The following UBE2F variants were observed in gnomAD, a reference collection of about 807,000 sequenced individuals.
UBE2F encodes the protein ubiquitin conjugating enzyme E2 F (putative).
UBE2F carries 5 observed loss-of-function variants against 29.6 expected under a neutral mutation model. That is an observed-to-expected ratio of 0.17 (90% CI 0.09 to 0.36). The LOEUF (loss-of-function observed/expected upper bound fraction) is 0.36, where lower values mean the gene tolerates loss of function less well. Ranked by LOEUF, UBE2F falls within the 10% of genes least tolerant of loss-of-function variation. UBE2F has a pLI of 1.00. For synonymous variants in UBE2F, 66 were observed against 81.8 expected, an observed-to-expected ratio of 0.81 and a Z score of 1.04; for missense variants, 141 against 228.5, an observed-to-expected ratio of 0.62 and a Z score of 2.47.
At chr2:238,034,662 G>C (rs1203914034) in intron 8 of UBE2F, among the ~76,000 whole-genome samples, 1 of 152,012 alleles carries the variant, frequency 6.6e-6, no homozygotes, top group Non-Finnish European at 1.5e-5. Context: ...CTTTTTCTAG[G>C]ACTTGGAATC....
intron 7 of UBE2F, among the ~76,000 whole-genome samples, chr2:238,031,018 TCA>T (rs1342487010): frequency 6.6e-6 from 1 of 152,186 alleles, no homozygotes; most frequent in East Asian, 1.9e-4. Context: ...GAGAAGACTG[TCA>T]GGTGTTGGGT....
intron 4 of UBE2F, among the ~76,000 whole-genome samples, chr2:238,007,481 G>A (rs2063932252): frequency 6.6e-6 from 1 of 151,536 alleles, no homozygotes; most frequent in South Asian, 2.1e-4. Flanking sequence ...TCTACTTCTT[G>A]TTTGCATATA....
chr2:238,025,291 T>G, intron 5 of UBE2F, 51 bp from the exon 6 acceptor site: 18 of 1,510,954 alleles, frequency 1.2e-5, no homozygotes, highest in Non-Finnish European at 1.7e-5. Context: ...CCTGGAGATG[T>G]GATTTGCAGA....
chr2:238,013,560 G>A (rs574865118), intron 4 of UBE2F, among the ~76,000 whole-genome samples: 78 of 152,154 alleles, frequency 5.1e-4, no homozygotes, highest in Non-Finnish European at 9.6e-4. Flanking sequence ...ATGACTCCTT[G>A]GCCTCAAGGG....
rs2063983058 is a variant in UBE2F at position 238,009,927 on chromosome 2, C to G, written c.215-6639C>G. 2.6e-5 allele frequency among the ~76,000 whole-genome samples: 4 copies of G among 152,192 alleles called. 1 individual carries two copies. In the South Asian group the frequency reaches 8.3e-4, roughly 31 times the overall value. On this transcript the variant is annotated intron_variant, in intron 4 of 9. Coordinates refer to ENST00000272930, the MANE Select transcript of UBE2F (RefSeq NM_080678.3). ...AATACCACAGATATGCCCACCACCA[C>G]AGATACTCCCATCATCACAGTTTTT...
chr2:238,030,413 A>G (rs529790060), intron 6 of UBE2F, 143 bp from the exon 7 acceptor site: 11 of 621,436 alleles, frequency 1.8e-5, no homozygotes, highest in Middle Eastern at 4.1e-4. Flanking sequence ...CCTCAGCAAG[A>G]GAAAACTGAG....
chr2:237,982,616 T>C lies in UBE2F; in HGVS notation c.119-5347T>C, dbSNP rs976138571. On this transcript the variant is annotated intron_variant, in intron 2 of 9. Transcript: ENST00000272930. This position sits in a 1 kb window ranked among gnomAD's most constrained non-coding sequence, Gnocchi z 4.1. Reference sequence around the variant, plus strand: ...GCTGGATTCCAGTGGCCAGCATCAATCTCTCAAAAGAAGGGCCCTCAAGAA... The same window carrying C: ...GCTGGATTCCAGTGGCCAGCATCAACCTCTCAAAAGAAGGGCCCTCAAGAA... 2.0e-5 allele frequency among the ~76,000 whole-genome samples: 3 copies of C among 152,158 alleles called. No individual in the cohort carries two copies. Among genetic ancestry groups the C allele is most frequent in the African/African-American group, 7.2e-5 (3 of 41,432 alleles).
intron 5 of UBE2F, among the ~76,000 whole-genome samples, chr2:238,018,759 A>G (rs2064222623): frequency 6.6e-6 from 1 of 152,192 alleles, no homozygotes; most frequent in Non-Finnish European, 1.5e-5. Flanking sequence ...GCTAAAGTTA[A>G]AAACATTAGC....
chr2:237,971,235 T>C (rs556492813), intron 1 of UBE2F, among the ~76,000 whole-genome samples: 1 of 152,378 alleles, frequency 6.6e-6, no homozygotes, highest in Admixed American at 6.5e-5. Flanking sequence ...GATCATTTTC[T>C]GTTGAAACGA....
chr2:238,020,682 A>T (rs1471756745), intron 5 of UBE2F, among the ~76,000 whole-genome samples: 1 of 152,140 alleles, frequency 6.6e-6, no homozygotes, highest in African/African-American at 2.4e-5. Flanking sequence ...CAGCAGCCAA[A>T]ATTCAAATTT....
At chr2:237,991,609 C>CTTTCTTTCTTTTTTTTTTT (rs57180067) in intron 3 of UBE2F, among the ~76,000 whole-genome samples, 7 of 53,050 alleles carry the variant, frequency 1.3e-4, no homozygotes, top group Admixed American at 2.6e-4. Flanking sequence ...TTCTTTCTTT[C>CTTTCTTTCTTTTTTTTTTT]TTTTTTTTTT....
At chr2:237,987,328 A>C (rs762632860) in intron 2 of UBE2F, among the ~76,000 whole-genome samples, 1 of 151,890 alleles carries the variant, frequency 6.6e-6, no homozygotes, top group Non-Finnish European at 1.5e-5. Flanking sequence ...GGATAATTTT[A>C]TTTCTTTCTT....
At chr2:238,030,479 A>T in intron 6 of UBE2F, 77 bp from the exon 7 acceptor site, 1 of 995,558 alleles carries the variant, frequency 1.0e-6, no homozygotes. Flanking sequence ...CATGGCACAC[A>T]CCGAGAGGAC....
chr2:238,017,181 A>G (rs756311736), intron 5 of UBE2F, among the ~76,000 whole-genome samples: 2 of 152,378 alleles, frequency 1.3e-5, no homozygotes, highest in East Asian at 1.9e-4. Flanking sequence ...ATAAAGCGAT[A>G]AAAATGGTAA....
At chr2:238,009,494 C>T (rs1192472426) in intron 4 of UBE2F, among the ~76,000 whole-genome samples, 1 of 152,166 alleles carries the variant, frequency 6.6e-6, no homozygotes, top group African/African-American at 2.4e-5. Context: ...TAAGCGCATC[C>T]AGTGAATTTT....
intron 2 of UBE2F, among the ~76,000 whole-genome samples, chr2:237,981,550 T>TTCC (rs1452813620): frequency 6.6e-6 from 1 of 150,748 alleles, no homozygotes; most frequent in Non-Finnish European, 1.5e-5. Flanking sequence ...CCTGCCCTCC[T>TTCC]TCCGTGAGTG....
At position 238,040,033 on chromosome 2, in the gene UBE2F, A is replaced by G. The variant is rs569707185; in HGVS notation, c.508-1255A>G. 1.3e-5 allele frequency among the ~76,000 whole-genome samples: 2 copies of G among 152,286 alleles called. No individual in the cohort carries two copies. Among genetic ancestry groups the G allele is most frequent in the South Asian group, 2.1e-4 (1 of 4,828 alleles). ...GTAAAGGCCCATGTGGGAGGCTCCAAACGCCATCCTGTAGACAAATAGGGC... is the reference window on the plus strand; with the variant it reads ...GTAAAGGCCCATGTGGGAGGCTCCAGACGCCATCCTGTAGACAAATAGGGC... On this transcript the variant is annotated intron_variant, in intron 9 of 9. Coordinates refer to ENST00000272930, the MANE Select transcript of UBE2F (RefSeq NM_080678.3). The surrounding 1 kb of genome is among the most constrained non-coding windows in gnomAD (Gnocchi z 4.4).
intron 2 of UBE2F, among the ~76,000 whole-genome samples, chr2:237,983,960 GCATCACTTTGCAGGAACC>G (rs1464638019): frequency 6.6e-6 from 1 of 151,954 alleles, no homozygotes; most frequent in Non-Finnish European, 1.5e-5. Flanking sequence ...ATGACAGGTG[GCATCACTTTGCAGGAACC>G]CCTCACCTTT....
chr2:238,041,405 G>C lies in UBE2F; in HGVS notation c.*67G>C. The C allele has an allele frequency of 1.3e-6, 2 of 1,558,810 alleles. No individual in the cohort carries two copies. The highest frequency in any genetic ancestry group is 1.8e-6 in the Non-Finnish European group (2 of 1,131,872). ...TGTCTCTAACATGAAACAGCAAGAG[G>C]TAGCCCCCTCTCCCGTCCTCATGCT... On this transcript the variant is annotated 3_prime_UTR_variant, in exon 10 of 10. Transcript: ENST00000272930.
Sources: allele counts gnomAD v4.1 joint callset (sites outside exome capture counted in the v4.1 genomes callset), GRCh38; gene constraint gnomAD v4.1.1; non-coding constraint Gnocchi (gnomAD v3.1); transcripts MANE v1.5; gene names NCBI Gene and HGNC (gene_info 2026-07-23, HGNC 2026-07-21).